The following CEP44 variants were observed in gnomAD, a reference collection of about 807,000 sequenced individuals.
CEP44 encodes the protein centrosomal protein 44, also known as centrosomal protein of 44 kDa.
A neutral mutation model predicts 46.7 loss-of-function variants in CEP44; 45 were observed. The observed-to-expected ratio is 0.96, with a 90% CI of 0.76 to 1.24. The LOEUF (loss-of-function observed/expected upper bound fraction) is 1.24, where lower values mean the gene tolerates loss of function less well. Among genes scored for constraint, CEP44 ranks in the 50% most tolerant of loss-of-function variants. The probability of loss-of-function intolerance (pLI) is 0.00; values close to 1 mark genes in which losing one functional copy is unlikely to be tolerated. For missense variants in CEP44, 475 were observed against 459.7 expected (o/e 1.03, Z -0.30); for synonymous variants, 142 against 146.0 (o/e 0.97, Z 0.20).
intron 6 of CEP44, among the ~76,000 whole-genome samples, chr4:174,308,177 A>G (rs1466957515): frequency 1.3e-5 from 2 of 152,148 alleles, no homozygotes; most frequent in Admixed American, 1.3e-4. Flanking sequence ...TCACAATAGC[A>G]AAGACATGGA....
At chr4:174,333,339 T>C (rs1225889920) in exon 9 of CEP44, 1 of 149,416 alleles carries the variant, frequency 6.7e-6, no homozygotes, top group Non-Finnish European at 1.5e-5. Context: ...GATGATAAAG[T>C]TCATATGACA....
chr4:174,290,011 A>G lies in CEP44; in HGVS notation c.-148+6068A>G, dbSNP rs1354570507. On this transcript the variant is annotated intron_variant, in intron 1 of 11. Transcript: ENST00000503780. The surrounding 1 kb of genome is among the most constrained non-coding windows in gnomAD (Gnocchi z 4.3). ...GGTGGGACTAGAGCCACGCACCACCATGCTCAGCTAATTTTTGTATTTTTT... is the reference window on the plus strand; with the variant it reads ...GGTGGGACTAGAGCCACGCACCACCGTGCTCAGCTAATTTTTGTATTTTTT... Among the ~76,000 whole-genome samples, 2 of 151,892 alleles carry G rather than the reference A, an allele frequency of 1.3e-5. No individual in the cohort carries two copies. Among genetic ancestry groups the G allele is most frequent in the Non-Finnish European group, 2.9e-5 (2 of 67,962 alleles).
At position 174,318,469 on chromosome 4, in the gene CEP44, TAAA is replaced by T; in HGVS notation, c.*1087_*1089del. 1 of 963,628 alleles carries T rather than the reference TAAA, an allele frequency of 1.0e-6. No homozygotes were observed. Among genetic ancestry groups the T allele is most frequent in the Non-Finnish European group, 1.2e-6 (1 of 810,854 alleles). 59.7% of individuals were successfully genotyped at this position (963,628 alleles called of 1,614,324 possible). The stretch of plus-strand genomic sequence containing the variant: ...TGGAGAGAAAAGTCTTAGCTGAAGG[TAAA>T]TCAATGGAAAAATGAAATTTATTTT... On this transcript the variant is annotated 3_prime_UTR_variant, in exon 12 of 12. Transcript: ENST00000503780.
rs145215560 is a variant in CEP44, at chr4:174,332,007, A to G, written c.*412A>G. On this transcript the variant is annotated 3_prime_UTR_variant, in exon 9 of 9. Coordinates refer to the CEP44 transcript ENST00000426172. The stretch of plus-strand genomic sequence containing the variant: ...AGGTTAGTACAAGATCAGTAGAGAG[A>G]AAGTCAAAGATTACAGAAGTGCTGA... The G allele has an allele frequency of 3.8e-3, 604 of 157,034 alleles. 2 individuals are homozygous for G. The highest frequency in any genetic ancestry group is 0.016 in the Middle Eastern group (5 of 304). The allele number at this position is 157,034 out of a possible 1,614,324, so 9.7% of individuals were successfully genotyped here.
At position 174,316,192 on chromosome 4, in the gene CEP44, G is replaced by A. The variant is rs1741689197; in HGVS notation, c.988G>A (p.Ala330Thr). 1.2e-6 allele frequency: 2 copies of A among 1,613,692 alleles called. No individual in the cohort carries two copies. Among genetic ancestry groups the A allele is most frequent in the South Asian group, 2.2e-5 (2 of 90,980 alleles). Residue 330 changes from alanine to threonine, a missense_variant, in exon 10 of 12, where the codon GCA becomes ACA. Ala to Thr is a moderately conservative substitution (Grantham distance 58, BLOSUM62 0). Transcript: ENST00000503780. The part of the protein sequence containing the change: ...PHRKSEVERP[A>T]SIPLSSGYST... ...CAGAAAAAGCGAAGTAGAGAGGCCA[G>A]CAAGTATTCCTCTGTCCTCTGGCTA...
intron 1 of CEP44, among the ~76,000 whole-genome samples, chr4:174,296,713 A>G (rs545951751): frequency 9.1e-4 from 136 of 149,756 alleles, no homozygotes; most frequent in African/African-American, 2.4e-3. Flanking sequence ...GAAGTAGTCT[A>G]TAAATATTTG....
At position 174,310,816 on chromosome 4, in the gene CEP44, G is replaced by T; in HGVS notation, c.919G>T (p.Glu307Ter). Reference protein sequence around the residue: ...DEFIEFNEVSEDYASCSDMDL... With the variant: ...DEFIEFNEVS ...ATTTATAGAGTTTAATGAAGTTAGT[G>T]AAGACTACGCTTCTTGTAGTGACAT... The change falls in exon 9 of 12, where the codon GAA becomes TAA. Residue 307 changes from glutamate to a stop codon, truncating the protein, a stop_gained. Transcript: ENST00000503780. LOFTEE classifies it high-confidence loss of function. The surrounding 1 kb of genome is among the most constrained non-coding windows in gnomAD (Gnocchi z 4.2). The T allele has an allele frequency of 6.6e-7, 1 of 1,521,114 alleles. No individual in the cohort carries two copies. The highest frequency in any genetic ancestry group is 1.2e-5 in the South Asian group (1 of 84,960). The allele number at this position is 1,521,114 out of a possible 1,614,324, so 94.2% of individuals were successfully genotyped here. A position where few individuals can be genotyped will look rare whatever the true frequency, so the allele number is the denominator to read the frequency against.
chr4:174,305,190 A>G (rs1055866516), intron 6 of CEP44, among the ~76,000 whole-genome samples: 2 of 152,214 alleles, frequency 1.3e-5, no homozygotes, highest in Non-Finnish European at 2.9e-5. Flanking sequence ...ACAGTAGCTC[A>G]TGCCTGTAAT....
exon 9 of CEP44, chr4:174,332,794 G>C (rs1731379935): frequency 6.6e-6 from 1 of 152,130 alleles, no homozygotes; most frequent in Non-Finnish European, 1.5e-5. Flanking sequence ...ATAAACTCTG[G>C]CTCAAGCAGT....
chr4:174,317,369 A>G lies in CEP44; in HGVS notation c.1159A>G (p.Asn387Asp), dbSNP rs1453865864. ...EETAELLKCPNHYL is the reference protein window; with the variant it reads ...EETAELLKCPDHYL ...AACTGCAGAGTTACTGAAATGTCCA[A>G]ATCACTACTTGTAGGATTTTCTACA... The change falls in exon 12 of 12, where the codon AAT becomes GAT. Residue 387 changes from asparagine to aspartate, a missense_variant. Asn to Asp is a conservative substitution (Grantham distance 23, BLOSUM62 1). Coordinates refer to ENST00000503780, the MANE Select transcript of CEP44 (RefSeq NM_001040157.3). 3.5e-6 allele frequency: 5 copies of G among 1,423,362 alleles called. No individual in the cohort carries two copies. In the African/African-American group the frequency reaches 5.7e-5, roughly 16 times the overall value. The allele number at this position is 1,423,362 out of a possible 1,614,324, so 88.2% of individuals were successfully genotyped here.
rs1731198625 is a variant in CEP44, at chr4:174,329,470, A to C, written c.1087-2012A>C. On this transcript the variant is annotated intron_variant, in intron 8 of 8. Coordinates refer to the CEP44 transcript ENST00000426172. This position sits in a 1 kb window ranked among gnomAD's most constrained non-coding sequence, Gnocchi z 4.0. ...GTAAATGTTAAGGAAACGTGTTTAA[A>C]TTGTTTTGATATGCCTTCAAAGTTA... Among the ~76,000 whole-genome samples the C allele has an allele frequency of 1.3e-5, 2 of 152,152 alleles. No homozygotes were observed. The highest frequency in any genetic ancestry group is 2.9e-5 in the Non-Finnish European group (2 of 68,028).
At chr4:174,323,570 TCTC>T (rs778963520), downstream of CEP44, among the ~76,000 whole-genome samples, 2 of 152,022 alleles carry the variant, frequency 1.3e-5, no homozygotes, top group Admixed American at 6.6e-5. Flanking sequence ...CCCCTCAAAT[TCTC>T]CTCCTTGAAG....
intron 1 of CEP44, among the ~76,000 whole-genome samples, chr4:174,296,763 A>ATTTTTTTTTTTTTTTTTTTTTTTTTTTT (rs202212472): frequency 3.3e-5 from 3 of 90,418 alleles, no homozygotes; most frequent in African/African-American, 4.4e-5. Flanking sequence ...GTCCTTACTG[A>ATTTTTTTTTTTTTTTTTTTTTTTTTTTT]TTTTTTTTTT....
Position 174,320,053 on chromosome 4 carries a change from A to G in CEP44, c.*2670A>G. 1.0e-6 allele frequency: 1 copy of G among 985,062 alleles called. No individual in the cohort carries two copies. The highest frequency in any genetic ancestry group is 1.2e-6 in the Non-Finnish European group (1 of 829,780). 61.0% of individuals were successfully genotyped at this position (985,062 alleles called of 1,614,324 possible). On this transcript the variant is annotated 3_prime_UTR_variant, in exon 12 of 12. Transcript: ENST00000503780. Reference sequence around the variant, plus strand: ...AAACTGGTTGAAAAAACACTGTACTACCAACAAAGGTGTCAGTTGCTTGTG... The same window carrying G: ...AAACTGGTTGAAAAAACACTGTACTGCCAACAAAGGTGTCAGTTGCTTGTG...
Position 174,309,864 on chromosome 4 carries a change from T to C in CEP44, c.693T>C (p.Asn231=). ...IKAEQQDVNV[N]PEITALQTML... is the part of the protein sequence containing the mutation. ...AACCTTTTTAGGATGTAAATGTTAA[T>C]CCTGAGATTACTGCACTACAAACTA... The change falls in exon 8 of 12, where the codon AAT becomes AAC. Residue 231 remains asparagine (N), a synonymous_variant. Coordinates refer to ENST00000503780, the MANE Select transcript of CEP44 (RefSeq NM_001040157.3). The surrounding 1 kb of genome is among the most constrained non-coding windows in gnomAD (Gnocchi z 5.3). 6.2e-7 allele frequency: 1 copy of C among 1,604,594 alleles called. No homozygotes were observed. Among genetic ancestry groups the C allele is most frequent in the Non-Finnish European group, 8.5e-7 (1 of 1,172,670 alleles).
chr4:174,320,373 G>C, downstream of CEP44: 9 of 937,694 alleles, frequency 9.6e-6, no homozygotes, highest in Non-Finnish European at 1.1e-5. Context: ...TTATATAATT[G>C]ATACACTCTT....
In CEP44 at chr4:174,286,356, G is replaced by A. The variant is rs1354917267; in HGVS notation, c.-148+2413G>A. ...TGTATCCTGGACAGCTGGGTAATGCGAATTGGAGGAAAAGATCACACTAAC... is the reference window on the plus strand; with the variant it reads ...TGTATCCTGGACAGCTGGGTAATGCAAATTGGAGGAAAAGATCACACTAAC... On this transcript the variant is annotated intron_variant, in intron 1 of 11. Transcript: ENST00000503780. This position sits in a 1 kb window ranked among gnomAD's most constrained non-coding sequence, Gnocchi z 5.2. Among the ~76,000 whole-genome samples the A allele has an allele frequency of 3.9e-5, 6 of 152,160 alleles. No homozygotes were observed. The highest frequency in any genetic ancestry group is 8.8e-5 in the Non-Finnish European group (6 of 68,028).
chr4:174,285,046 C>G (rs1437755232), intron 1 of CEP44, among the ~76,000 whole-genome samples: 4 of 152,128 alleles, frequency 2.6e-5, no homozygotes, highest in African/African-American at 9.7e-5. Flanking sequence ...TTTTCACAAC[C>G]TCTCCCACAA....
In CEP44 at chr4:174,317,981, G is replaced by A. The variant is rs1741922337; in HGVS notation, c.*598G>A. 1.0e-6 allele frequency: 1 copy of A among 985,202 alleles called. No homozygotes were observed. The highest frequency in any genetic ancestry group is 1.2e-6 in the Non-Finnish European group (1 of 829,766). 61.0% of individuals were successfully genotyped at this position (985,202 alleles called of 1,614,324 possible). A position where few individuals can be genotyped will look rare whatever the true frequency, so the allele number is the denominator to read the frequency against. Reference sequence around the variant, plus strand: ...CTGGGAAACAGGCTGGAGGACTATGGTCCTCAAGTTTAGACCAAGAGGACT... The same window carrying A: ...CTGGGAAACAGGCTGGAGGACTATGATCCTCAAGTTTAGACCAAGAGGACT... On this transcript the variant is annotated 3_prime_UTR_variant, in exon 12 of 12. Transcript: ENST00000503780.
Sources: gnomAD v4.1 joint callset for allele counts (sites outside exome capture counted in the v4.1 genomes callset) on GRCh38, gnomAD v4.1.1 for gene constraint, Gnocchi (gnomAD v3.1) non-coding constraint, MANE v1.5 for transcripts, NCBI Gene and HGNC (gene_info 2026-07-23, HGNC 2026-07-21) for gene names.